PTPRN2: variants seen among roughly 807,000 people sequenced by gnomAD.
PTPRN2 encodes protein tyrosine phosphatase receptor type N2, also known as receptor-type tyrosine-protein phosphatase N2.
Under a neutral mutation model 118.8 loss-of-function variants are expected in PTPRN2, and 74 were observed. The ratio of observed to expected loss-of-function variants is 0.62; its 90% CI spans 0.52 to 0.76. PTPRN2 has a LOEUF of 0.76. Among genes scored for constraint, PTPRN2 ranks in the 30% least tolerant of loss-of-function variants. PTPRN2 has a pLI of 0.00. For missense variants in PTPRN2, 1,481 were observed against 1,394.4 expected (o/e 1.06, Z -0.99); for synonymous variants, 641 against 608.0 (o/e 1.05, Z -0.80).
intron 13 of PTPRN2, among the ~76,000 whole-genome samples, chr7:157,672,388 G>A (rs949789210): frequency 6.6e-5 from 10 of 152,046 alleles, no homozygotes; most frequent in Non-Finnish European, 1.3e-4. Flanking sequence ...CCTGGGATGG[G>A]GACAGAAATA....
intron 12 of PTPRN2, among the ~76,000 whole-genome samples, chr7:157,730,076 G>A (rs1188189979): frequency 6.6e-6 from 1 of 152,122 alleles, no homozygotes; most frequent in Non-Finnish European, 1.5e-5. Flanking sequence ...GGGCTTATAG[G>A]GTAAAGTCCA....
chr7:158,291,333 C>T (rs80035336), intron 3 of PTPRN2, among the ~76,000 whole-genome samples: 1,588 of 152,244 alleles, frequency 0.01, 28 homozygotes, highest in African/African-American at 0.036. Flanking sequence ...CCTTGATATA[C>T]AAAGTCATAT....
intron 11 of PTPRN2, among the ~76,000 whole-genome samples, chr7:157,966,711 CCAT>C (rs1252749197): frequency 6.6e-6 from 1 of 151,728 alleles, no homozygotes; most frequent in African/African-American, 2.4e-5. Context: ...TTCATCACCA[CCAT>C]CATCTTCATC....
At chr7:158,146,055 C>T (rs1018154707) in intron 6 of PTPRN2, among the ~76,000 whole-genome samples, 6 of 113,784 alleles carry the variant, frequency 5.3e-5, no homozygotes, top group Admixed American at 1.9e-4. Flanking sequence ...TTTAGTTTTC[C>T]ACTCTTTTCC....
intron 2 of PTPRN2, among the ~76,000 whole-genome samples, chr7:158,318,081 C>T (rs1802494640): frequency 6.6e-6 from 1 of 152,124 alleles, no homozygotes; most frequent in Admixed American, 6.5e-5. Flanking sequence ...TGTCCGAGAG[C>T]CGGCCCGAGA....
intron 12 of PTPRN2, among the ~76,000 whole-genome samples, chr7:157,720,433 G>A (rs976848373): frequency 3.9e-5 from 6 of 152,182 alleles, no homozygotes; most frequent in Non-Finnish European, 7.3e-5. Context: ...TTGGGAACGC[G>A]TGCGGCCCAC....
At chr7:158,091,898 A>G (rs868778566) in intron 10 of PTPRN2, among the ~76,000 whole-genome samples, 4 of 120,740 alleles carry the variant, frequency 3.3e-5, no homozygotes, top group African/African-American at 1.0e-4. Context: ...GATAGGTGAT[A>G]GATGGATGGG....
At chr7:158,327,082 CACAT>C (rs532974784) in intron 2 of PTPRN2, among the ~76,000 whole-genome samples, 257 of 152,132 alleles carry the variant, frequency 1.7e-3, no homozygotes, top group Non-Finnish European at 3.1e-3. Flanking sequence ...CACACATTCT[CACAT>C]GCACTCATTC....
At chr7:158,423,717 A>C (rs1815458959) in intron 2 of PTPRN2, among the ~76,000 whole-genome samples, 1 of 148,512 alleles carries the variant, frequency 6.7e-6, no homozygotes, top group South Asian at 2.2e-4. Flanking sequence ...CACCACGTTA[A>C]CCAGGCTGGT....
intron 12 of PTPRN2, among the ~76,000 whole-genome samples, chr7:157,776,909 C>T (rs866786415): frequency 1.0e-5 from 1 of 97,352 alleles, no homozygotes; most frequent in Non-Finnish European, 2.2e-5. Context: ...CCTTCTCCCC[C>T]TCCTCCTCGC....
At chr7:157,940,702 GC>G (rs151081105) in intron 11 of PTPRN2, among the ~76,000 whole-genome samples, 1,233 of 60,618 alleles carry the variant, frequency 0.02, 19 homozygotes, top group Middle Eastern at 0.041. Context: ...CAAATCTAAC[GC>G]CCCCCCGTGA....
At position 158,526,472 on chromosome 7, in the gene PTPRN2, G is replaced by A. The variant is rs533685642; in HGVS notation, c.113-36687C>T. ...AGGTCTCTCCGCTGGTCACGGCCTC[G>A]GAATTCCGACATGCTGGACTGTGGC... On this transcript the variant is annotated intron_variant, in intron 1 of 22. Transcript: ENST00000389418. This position sits in a 1 kb window ranked among gnomAD's most constrained non-coding sequence, Gnocchi z 5.2. Among the ~76,000 whole-genome samples the A allele has an allele frequency of 1.3e-5, 2 of 152,258 alleles. No homozygotes were observed. The highest frequency in any genetic ancestry group is 2.9e-5 in the Non-Finnish European group (2 of 68,022).
intron 5 of PTPRN2, among the ~76,000 whole-genome samples, chr7:158,171,872 A>C (rs903443203): frequency 6.6e-6 from 1 of 152,200 alleles, no homozygotes; most frequent in African/African-American, 2.4e-5. Context: ...TAGCTGCCCA[A>C]ACCTGGAAAT....
intron 2 of PTPRN2, among the ~76,000 whole-genome samples, chr7:158,474,297 T>C: frequency 6.6e-6 from 1 of 152,230 alleles, no homozygotes; most frequent in East Asian, 1.9e-4. Flanking sequence ...CCAGGACCTC[T>C]GGAAAACACT....
chr7:157,849,650 G>C (rs1297747834), intron 12 of PTPRN2, among the ~76,000 whole-genome samples: 1 of 152,178 alleles, frequency 6.6e-6, no homozygotes, highest in Non-Finnish European at 1.5e-5. Context: ...CATCTAAATG[G>C]GCAGTCTGGG....
chr7:157,898,535 G>A lies in PTPRN2; in HGVS notation c.1788+138C>T, dbSNP rs182465180. 3,012 of 855,116 alleles carry A rather than the reference G, an allele frequency of 3.5e-3. 8 individuals carry two copies. Among genetic ancestry groups the A allele is most frequent in the Non-Finnish European group, 4.7e-3 (2,485 of 524,910 alleles). The allele number at this position is 855,116 out of a possible 1,614,324, so 53.0% of individuals were successfully genotyped here. On this transcript the variant is annotated intron_variant, in intron 12 of 22. Transcript: ENST00000389418. The stretch of plus-strand genomic sequence containing the variant: ...CCCACCCGCAGAGGATGCTCCTGCT[G>A]CAGCCCACTGGTCCTCCCAGGAAAA...
Position 158,526,377 on chromosome 7 carries a change from C to T in PTPRN2, c.113-36592G>A, listed in dbSNP as rs1467233124. ...AGATAACCAGGTAGAGCCACGCTCACGAGAACCACCAGCCACTCTGAGCTA... is the reference window on the plus strand; with the variant it reads ...AGATAACCAGGTAGAGCCACGCTCATGAGAACCACCAGCCACTCTGAGCTA... On this transcript the variant is annotated intron_variant, in intron 1 of 22. Transcript: ENST00000389418. This position sits in a 1 kb window ranked among gnomAD's most constrained non-coding sequence, Gnocchi z 5.2. 6.6e-6 allele frequency among the ~76,000 whole-genome samples: 1 copy of T among 152,212 alleles called. No homozygotes were observed. Among genetic ancestry groups the T allele is most frequent in the Non-Finnish European group, 1.5e-5 (1 of 68,050 alleles).
chr7:158,578,762 T>TG (rs1563453001), intron 1 of PTPRN2, among the ~76,000 whole-genome samples: 1 of 151,916 alleles, frequency 6.6e-6, no homozygotes, highest in Non-Finnish European at 1.5e-5. Context: ...CTCTTTTTTT[T>TG]TTTGTTGTTG....
At chr7:158,347,278 T>A (rs565525108) in intron 2 of PTPRN2, among the ~76,000 whole-genome samples, 137 of 152,328 alleles carry the variant, frequency 9.0e-4, no homozygotes, top group African/African-American at 3.1e-3. Flanking sequence ...TTGTATGTGG[T>A]GAGAGATAAG....
Sources: gnomAD v4.1 joint callset for allele counts (sites outside exome capture counted in the v4.1 genomes callset) on GRCh38, gnomAD v4.1.1 for gene constraint, Gnocchi (gnomAD v3.1) non-coding constraint, MANE v1.5 for transcripts, NCBI Gene and HGNC (gene_info 2026-07-23, HGNC 2026-07-21) for gene names.